The following IL5RA variants were observed in gnomAD, a reference collection of about 807,000 sequenced individuals.
IL5RA encodes the protein interleukin 5 receptor subunit alpha, also known as interleukin-5 receptor subunit alpha.
A neutral mutation model predicts 50.0 loss-of-function variants in IL5RA; 49 were observed. The ratio of observed to expected loss-of-function variants is 0.98; its 90% CI spans 0.78 to 1.24. IL5RA has a LOEUF of 1.24. Among genes scored for constraint, IL5RA ranks in the 50% most tolerant of loss-of-function variants. The pLI is 0.00. For synonymous variants in IL5RA, 202 were observed against 174.0 expected, an observed-to-expected ratio of 1.16 and a Z score of -1.26; for missense variants, 600 against 500.4, an observed-to-expected ratio of 1.20 and a Z score of -1.90.
Position 3,097,989 on chromosome 3 carries a change from C to A in IL5RA, c.590G>T (p.Trp197Leu), listed in dbSNP as rs1703443638. ...GCTGAGGATAAAAGTCCTGGGAAAC[C>A]AGCATGCGATATTTCTCCCCAGTGT... ...KDTLGRNIAC[W>L]FPRTFILSKG... The change falls in exon 7 of 12, where the codon TGG becomes TTG. Residue 197 changes from tryptophan to leucine, a missense_variant. Transcript: ENST00000446632. 6.2e-7 allele frequency: 1 copy of A among 1,614,188 alleles called. No individual in the cohort carries two copies. The highest frequency in any genetic ancestry group is 1.1e-5 in the South Asian group (1 of 91,082).
In IL5RA at chr3:3,095,476, T is replaced by TC. The variant is rs757135578; in HGVS notation, c.710-33_710-32insG. Reference sequence around the variant, plus strand: ...TAGGGAACGAAAGATCAGTGATTTTTTTTTTAGAATCAGTGATCAAAGCTG... The same window carrying TC: ...TAGGGAACGAAAGATCAGTGATTTTTCTTTTTAGAATCAGTGATCAAAGCTG... On this transcript the variant is annotated intron_variant, in intron 7 of 11. Coordinates refer to ENST00000446632, the MANE Select transcript of IL5RA (RefSeq NM_175726.4). The TC allele has an allele frequency of 5.7e-6, 9 of 1,583,962 alleles. No homozygotes were observed. The Middle Eastern group carries it at 5.5e-4, about 97-fold the overall frequency.
At position 3,069,983 on chromosome 3, in the gene IL5RA, G is replaced by A. The variant is rs993371796; in HGVS notation, c.*242C>T. ...AGGAGGTGCTACCCTGTACGGCATG[G>A]GGAGAAAAAACATGGCAAAATGCTT... On this transcript the variant is annotated 3_prime_UTR_variant, in exon 12 of 12. Coordinates refer to ENST00000446632, the MANE Select transcript of IL5RA (RefSeq NM_175726.4). 3.5e-5 allele frequency: 15 copies of A among 426,158 alleles called. No individual in the cohort carries two copies. Among genetic ancestry groups the A allele is most frequent in the Non-Finnish European group, 5.9e-5 (14 of 237,820 alleles). The allele number at this position is 426,158 out of a possible 1,614,324, so 26.4% of individuals were successfully genotyped here.
intron 9 of IL5RA, among the ~76,000 whole-genome samples, chr3:3,081,721 A>G (rs1173618564): frequency 6.6e-6 from 1 of 152,252 alleles, no homozygotes; most frequent in African/African-American, 2.4e-5. Flanking sequence ...ATTCTCACTG[A>G]ATTAGCAAAA....
rs112434386 is a variant in IL5RA, at chr3:3,098,379, C to T, written c.368-89G>A. On this transcript the variant is annotated intron_variant, in intron 5 of 11. Coordinates refer to ENST00000446632, the MANE Select transcript of IL5RA (RefSeq NM_175726.4). ...TTTGGAACTATAGTGATGTGAACGT[C>T]GTATTCATCACCAAAAAATAATCAT... 1.8e-5 allele frequency: 20 copies of T among 1,133,052 alleles called. No individual in the cohort carries two copies. In the Admixed American group the frequency reaches 2.5e-4, roughly 14 times the overall value. 70.2% of individuals were successfully genotyped at this position (1,133,052 alleles called of 1,614,324 possible). A position where few individuals can be genotyped will look rare whatever the true frequency, so the allele number is the denominator to read the frequency against.
chr3:3,099,562 G>C (rs551021278), intron 5 of IL5RA, among the ~76,000 whole-genome samples: 1 of 152,088 alleles, frequency 6.6e-6, no homozygotes, highest in East Asian at 1.9e-4. Context: ...TGGGGAGGTC[G>C]AGGCTGCAAT....
chr3:3,089,248 A>C (rs529710926), intron 9 of IL5RA, among the ~76,000 whole-genome samples: 1 of 152,310 alleles, frequency 6.6e-6, no homozygotes, highest in Admixed American at 6.5e-5. Context: ...TACCCCTGTA[A>C]GGCTGAGCTG....
At chr3:3,085,512 T>A (rs557639997) in intron 9 of IL5RA, among the ~76,000 whole-genome samples, 1 of 151,806 alleles carries the variant, frequency 6.6e-6, no homozygotes, top group East Asian at 1.9e-4. Context: ...GGAGTCAGAG[T>A]GCAAGGAATC....
At chr3:3,108,115 A>C (rs938434921) in intron 2 of IL5RA, among the ~76,000 whole-genome samples, 1 of 152,154 alleles carries the variant, frequency 6.6e-6, no homozygotes, top group African/African-American at 2.4e-5. Flanking sequence ...AAATATGAAG[A>C]GTTTACTTTC....
At position 3,104,885 on chromosome 3, in the gene IL5RA, TGAATA is replaced by T; in HGVS notation, c.82+13_82+17del. 6.7e-7 allele frequency: 1 copy of T among 1,483,562 alleles called. No individual in the cohort carries two copies. The highest frequency in any genetic ancestry group is 9.4e-7 in the Non-Finnish European group (1 of 1,066,114). The allele number at this position is 1,483,562 out of a possible 1,614,324, so 91.9% of individuals were successfully genotyped here. ...TTTTTAAAAATAAACATTATTGAAT[TGAATA>T]GAAGGTCCTTACTCTTTTCATCAGG... On this transcript the variant is annotated intron_variant, in intron 3 of 11. Coordinates refer to ENST00000446632, the MANE Select transcript of IL5RA (RefSeq NM_175726.4).
intron 9 of IL5RA, among the ~76,000 whole-genome samples, chr3:3,085,405 G>C (rs1454285084): frequency 6.6e-6 from 1 of 152,110 alleles, no homozygotes; most frequent in South Asian, 2.1e-4. Context: ...ATCTTCCTTC[G>C]TGTTTTGCCA....
chr3:3,104,864 T>A, intron 3 of IL5RA, 39 bp downstream of exon 3: 2 of 1,263,020 alleles, frequency 1.6e-6, no homozygotes, highest in South Asian at 1.2e-5. Flanking sequence ...AACATATTTT[T>A]AAAAATAAAC....
chr3:3,097,807 C>T, intron 7 of IL5RA, 63 bp downstream of exon 7: 3 of 1,529,328 alleles, frequency 2.0e-6, no homozygotes, highest in Non-Finnish European at 2.7e-6. Context: ...CTTTATAACC[C>T]TTCCTTCCAG....
In IL5RA at chr3:3,074,882, A is replaced by C. The variant is rs1324129934; in HGVS notation, c.1092-16T>G. On this transcript the variant is annotated splice_polypyrimidine_tract_variant and intron_variant, in intron 10 of 11. Transcript: ENST00000446632. ...TAAATGACATCTGAAAACAGAGTAAAGAAGGAATTAGGTGAGCATGAGTAT... is the reference window on the plus strand; with the variant it reads ...TAAATGACATCTGAAAACAGAGTAACGAAGGAATTAGGTGAGCATGAGTAT... The C allele has an allele frequency of 4.6e-6, 7 of 1,510,806 alleles. No individual in the cohort carries two copies. The Admixed American group carries it at 6.7e-5, about 14-fold the overall frequency. The allele number at this position is 1,510,806 out of a possible 1,614,324, so 93.6% of individuals were successfully genotyped here. A position where few individuals can be genotyped will look rare whatever the true frequency, so the allele number is the denominator to read the frequency against.
At position 3,070,426 on chromosome 3, in the gene IL5RA, CA is replaced by C. The variant is rs906879698; in HGVS notation, c.1177-116del. The C allele has an allele frequency of 1.1e-4, 74 of 652,760 alleles. No homozygotes were observed. The African/African-American group carries it at 1.3e-3, about 11-fold the overall frequency. 40.4% of individuals were successfully genotyped at this position (652,760 alleles called of 1,614,324 possible). A position where few individuals can be genotyped will look rare whatever the true frequency, so the allele number is the denominator to read the frequency against. On this transcript the variant is annotated intron_variant, in intron 11 of 11. Transcript: ENST00000446632. ...TTTAAATAAAAATAGTAAATGTTCA[CA>C]AAGAAGATGTGAAAAATAAAGTGGG...
At chr3:3,075,628 T>C (rs1470100085) in intron 10 of IL5RA, among the ~76,000 whole-genome samples, 1 of 150,984 alleles carries the variant, frequency 6.6e-6, no homozygotes, top group Non-Finnish European at 1.5e-5. Context: ...TGAGACACAG[T>C]CTCACTCTGT....
Position 3,097,946 on chromosome 3 carries a change from A to AAGCCAGTC in IL5RA, c.625_632dup (p.Ala212ThrfsTer31). On this transcript the variant is annotated frameshift_variant, in exon 7 of 12. Transcript: ENST00000446632. LOFTEE classifies it high-confidence loss of function. ...TGCTGGAGCCGTTAACAAGCACCGC[A>AAGCCAGTC]AGCCAGTCACGCCCTTTGCTGAGGA... is the stretch of plus-strand genomic sequence containing the variant. The AAGCCAGTC allele has an allele frequency of 6.2e-7, 1 of 1,614,234 alleles. No individual in the cohort carries two copies.
intron 10 of IL5RA, among the ~76,000 whole-genome samples, chr3:3,075,186 C>G (rs1314643436): frequency 6.9e-6 from 1 of 144,940 alleles, no homozygotes; most frequent in African/African-American, 2.5e-5. Context: ...ATTATGTTTA[C>G]TCACAGAGTT....
At chr3:3,072,550 C>A (rs1407258730) in intron 11 of IL5RA, among the ~76,000 whole-genome samples, 1 of 152,168 alleles carries the variant, frequency 6.6e-6, no homozygotes, top group South Asian at 2.1e-4. Context: ...TCTTTTGGGG[C>A]TCTGTAGGGA....
At chr3:3,091,461 G>A (rs1574993784) in intron 9 of IL5RA, among the ~76,000 whole-genome samples, 1 of 152,194 alleles carries the variant, frequency 6.6e-6, no homozygotes, top group Non-Finnish European at 1.5e-5. Context: ...GCTCGGCACA[G>A]CGGCTCATGC....
Sources: gnomAD v4.1 joint callset for allele counts (sites outside exome capture counted in the v4.1 genomes callset) on GRCh38, gnomAD v4.1.1 for gene constraint, MANE v1.5 for transcripts, NCBI Gene and HGNC (gene_info 2026-07-23, HGNC 2026-07-21) for gene names.